The following WDR70 variants were observed in gnomAD, a reference collection of about 807,000 sequenced individuals.
WDR70 encodes WD repeat domain 70, also known as WD repeat-containing protein 70.
WDR70 carries 53 observed loss-of-function variants against 88.6 expected under a neutral mutation model. The observed-to-expected ratio is 0.60, with a 90% confidence interval of 0.48 to 0.75. The LOEUF is 0.75. Among genes scored for constraint, WDR70 ranks in the 30% least tolerant of loss-of-function variants. The probability of loss-of-function intolerance (pLI) is 0.00; values close to 1 mark genes in which losing one functional copy is unlikely to be tolerated. For missense variants in WDR70, 610 were observed against 823.2 expected (o/e 0.74, Z 3.17); for synonymous variants, 280 against 270.0 (o/e 1.04, Z -0.36).
intron 10 of WDR70, among the ~76,000 whole-genome samples, chr5:37,668,091 A>G (rs1236530220): frequency 6.6e-6 from 1 of 152,164 alleles, no homozygotes. Flanking sequence ...AAACAAAACA[A>G]AAAACAATTC....
intron 10 of WDR70, among the ~76,000 whole-genome samples, chr5:37,669,357 A>G (rs559639876): frequency 6.6e-6 from 1 of 151,704 alleles, no homozygotes; most frequent in South Asian, 2.1e-4. Context: ...GGAGAGAGGG[A>G]AGGGGGAAAA....
chr5:37,657,273 C>A (rs1745580508), intron 10 of WDR70, among the ~76,000 whole-genome samples: 1 of 152,148 alleles, frequency 6.6e-6, no homozygotes, highest in South Asian at 2.1e-4. Flanking sequence ...CCTTGTGCTT[C>A]CCGGGTGAGA....
chr5:37,652,757 A>T (rs1315636117), intron 10 of WDR70, among the ~76,000 whole-genome samples: 1 of 152,178 alleles, frequency 6.6e-6, no homozygotes, highest in Non-Finnish European at 1.5e-5. Flanking sequence ...TTATTGGTGT[A>T]TAGGAATGCT....
At chr5:37,572,216 A>C (rs745677834) in intron 9 of WDR70, among the ~76,000 whole-genome samples, 10 of 152,104 alleles carry the variant, frequency 6.6e-5, no homozygotes, top group Admixed American at 3.9e-4. Flanking sequence ...GTAGTTGAAC[A>C]TTGTAGGAGA....
chr5:37,721,230 T>C lies in WDR70; in HGVS notation c.1517+15T>C. 1.9e-6 allele frequency: 3 copies of C among 1,610,338 alleles called. No individual in the cohort carries two copies. Among genetic ancestry groups the C allele is most frequent in the Non-Finnish European group, 2.5e-6 (3 of 1,176,860 alleles). On this transcript the variant is annotated intron_variant, in intron 14 of 17. Transcript: ENST00000265107. ...AAGAGTCAGAGGTATTTCATAAGTATTGCCTGTTTTAGATGGATGACAACA... is the reference window on the plus strand; with the variant it reads ...AAGAGTCAGAGGTATTTCATAAGTACTGCCTGTTTTAGATGGATGACAACA...
intron 13 of WDR70, among the ~76,000 whole-genome samples, chr5:37,719,874 A>T (rs1747757762): frequency 7.2e-6 from 1 of 139,048 alleles, no homozygotes. Flanking sequence ...ACAGAGTCTC[A>T]CTCTGTCACC....
At chr5:37,677,026 G>T (rs184996728) in intron 10 of WDR70, among the ~76,000 whole-genome samples, 4,808 of 152,246 alleles carry the variant, frequency 0.032, 100 homozygotes, top group Middle Eastern at 0.11. Flanking sequence ...TTGCATAGAG[G>T]TGTTTGTAGT....
At chr5:37,486,367 A>G (rs1271899396) in intron 8 of WDR70, among the ~76,000 whole-genome samples, 1 of 149,966 alleles carries the variant, frequency 6.7e-6, no homozygotes, top group East Asian at 2.0e-4. Context: ...TTTGAGACAG[A>G]GTCTCGCTCT....
intron 9 of WDR70, among the ~76,000 whole-genome samples, chr5:37,564,189 G>T (rs998372744): frequency 1.7e-4 from 25 of 146,210 alleles, no homozygotes; most frequent in African/African-American, 6.3e-4. Context: ...GGGAGGTGGA[G>T]GTTGTAGCGA....
At chr5:37,635,176 C>T (rs1052433002) in intron 10 of WDR70, among the ~76,000 whole-genome samples, 2 of 152,152 alleles carry the variant, frequency 1.3e-5, no homozygotes, top group Non-Finnish European at 2.9e-5. Flanking sequence ...TTTCTTCCTG[C>T]CTTACTCAAC....
At chr5:37,689,304 T>C (rs955843054) in intron 10 of WDR70, among the ~76,000 whole-genome samples, 1 of 152,242 alleles carries the variant, frequency 6.6e-6, no homozygotes, top group Non-Finnish European at 1.5e-5. Context: ...GACTTAAATG[T>C]CCCTGTTGAG....
intron 10 of WDR70, among the ~76,000 whole-genome samples, chr5:37,652,235 G>A (rs909961714): frequency 3.3e-5 from 5 of 152,216 alleles, no homozygotes; most frequent in African/African-American, 9.6e-5. Context: ...GCTTGTCAAA[G>A]ATCAGATGGT....
At chr5:37,506,678 A>G in intron 8 of WDR70, 2 of 791,284 alleles carry the variant, frequency 2.5e-6, no homozygotes, top group East Asian at 2.4e-5. Context: ...CAAATAAAAC[A>G]TCATCATCCC....
At chr5:37,707,935 AAAAAAAAAAAAAAATATATATATAT>A (rs1747383182) in intron 13 of WDR70, among the ~76,000 whole-genome samples, 2 of 34,402 alleles carry the variant, frequency 5.8e-5, no homozygotes, top group African/African-American at 2.0e-4. Flanking sequence ...AAAAAAAAAA[AAAAAAAAAAAAAAATATATATATAT>A]ATATATATAT....
intron 7 of WDR70, among the ~76,000 whole-genome samples, chr5:37,461,936 G>A (rs1739019676): frequency 6.6e-6 from 1 of 152,128 alleles, no homozygotes; most frequent in South Asian, 2.1e-4. Flanking sequence ...CTTTGAGAAC[G>A]AACCACCCAT....
chr5:37,555,524 C>T (rs1028888667), intron 9 of WDR70, among the ~76,000 whole-genome samples: 5 of 152,134 alleles, frequency 3.3e-5, no homozygotes, highest in African/African-American at 1.2e-4. Context: ...CCCTGATTCC[C>T]ATGCTCTAAT....
At chr5:37,413,323 G>A (rs1278557259) in intron 5 of WDR70, among the ~76,000 whole-genome samples, 1 of 152,196 alleles carries the variant, frequency 6.6e-6, no homozygotes, top group Admixed American at 6.5e-5. Flanking sequence ...GTGAGTTTGA[G>A]ATTGAGATTA....
At chr5:37,463,687 TTCTC>T (rs1214762190) in intron 7 of WDR70, among the ~76,000 whole-genome samples, 1 of 152,224 alleles carries the variant, frequency 6.6e-6, no homozygotes, top group Admixed American at 6.5e-5. Flanking sequence ...TAGATTGGCT[TTCTC>T]TCTCTTCTCT....
At chr5:37,546,605 A>G (rs1179202851) in intron 9 of WDR70, among the ~76,000 whole-genome samples, 3 of 152,198 alleles carry the variant, frequency 2.0e-5, no homozygotes, top group Non-Finnish European at 4.4e-5. Context: ...TGTTAAGTCA[A>G]TTTGATTTTA....
Sources: gnomAD v4.1 joint callset for allele counts (sites outside exome capture counted in the v4.1 genomes callset) on GRCh38, gnomAD v4.1.1 for gene constraint, MANE v1.5 for transcripts, NCBI Gene and HGNC (gene_info 2026-07-23, HGNC 2026-07-21) for gene names.